DLGAP2: variants seen among roughly 807,000 people sequenced by gnomAD.
DLGAP2 encodes the protein DLG associated protein 2.
DLGAP2 carries 26 observed loss-of-function variants against 100.3 expected under a neutral mutation model. The observed-to-expected ratio is 0.26, with a 90% CI of 0.19 to 0.36. The LOEUF (loss-of-function observed/expected upper bound fraction) is 0.36. Among genes scored for constraint, DLGAP2 ranks in the 10% least tolerant of loss-of-function variants. DLGAP2 has a pLI of 1.00. For synonymous variants in DLGAP2, 886 were observed against 630.1 expected, an observed-to-expected ratio of 1.41 and a Z score of -6.08; for missense variants, 1,858 against 1,453.2, an observed-to-expected ratio of 1.28 and a Z score of -4.53.
intron 2 of DLGAP2, among the ~76,000 whole-genome samples, chr8:1,221,297 A>G (rs919672439): frequency 2.6e-5 from 4 of 152,208 alleles, no homozygotes; most frequent in Non-Finnish European, 5.9e-5. Flanking sequence ...GTCTGGTGCT[A>G]ATGAATTATC....
intron 2 of DLGAP2, among the ~76,000 whole-genome samples, chr8:1,258,187 C>A (rs1342775945): frequency 6.6e-6 from 1 of 152,146 alleles, no homozygotes; most frequent in Non-Finnish European, 1.5e-5. Context: ...ACTTTTGTGC[C>A]TGAAAGGAGA....
intron 3 of DLGAP2, among the ~76,000 whole-genome samples, chr8:1,337,431 GGT>G (rs1801311165): frequency 4.0e-3 from 3 of 750 alleles, no homozygotes; most frequent in Admixed American, 0.014. Flanking sequence ...TGATGGTGAT[GGT>G]GATGATGATG....
intron 8 of DLGAP2, among the ~76,000 whole-genome samples, chr8:1,647,881 C>G (rs1260566162): frequency 6.6e-6 from 1 of 152,140 alleles, no homozygotes; most frequent in Non-Finnish European, 1.5e-5. Context: ...TAGGCAGCAG[C>G]TTTTCCCTGC....
chr8:1,488,449 C>T (rs1799286035), intron 3 of DLGAP2, among the ~76,000 whole-genome samples: 3 of 152,136 alleles, frequency 2.0e-5, no homozygotes, highest in South Asian at 4.1e-4. Context: ...GGCAGTTGAG[C>T]ACCCAAAAGA....
At position 1,701,113 on chromosome 8, in the gene DLGAP2, C is replaced by T. The variant is rs971852183; in HGVS notation, c.2950-75C>T. The T allele has an allele frequency of 1.7e-5, 24 of 1,411,478 alleles. No homozygotes were observed. The African/African-American group carries it at 2.2e-4, about 13-fold the overall frequency. The allele number at this position is 1,411,478 out of a possible 1,614,324, so 87.4% of individuals were successfully genotyped here. Reference sequence around the variant, plus strand: ...GGTCGGGAAGGGTCAGGCCAGGCCCCAGGGCCGCTGAGCTCGCGAGCTGCT... The same window carrying T: ...GGTCGGGAAGGGTCAGGCCAGGCCCTAGGGCCGCTGAGCTCGCGAGCTGCT... On this transcript the variant is annotated intron_variant, in intron 14 of 14. Transcript: ENST00000637795.
chr8:1,178,312 C>T (rs940188789), intron 2 of DLGAP2, among the ~76,000 whole-genome samples: 5 of 152,286 alleles, frequency 3.3e-5, no homozygotes, highest in African/African-American at 1.2e-4. Context: ...TGGGCAAGAC[C>T]TGCGCTTGGA....
chr8:1,172,328 A>G (rs1797146552), intron 2 of DLGAP2, among the ~76,000 whole-genome samples: 1 of 151,672 alleles, frequency 6.6e-6, no homozygotes, highest in African/African-American at 2.4e-5. Context: ...TTTTTCCTTC[A>G]TTTCCACTTT....
intron 2 of DLGAP2, among the ~76,000 whole-genome samples, chr8:1,056,612 C>G (rs899690276): frequency 4.6e-5 from 7 of 152,216 alleles, no homozygotes; most frequent in Non-Finnish European, 8.8e-5. Context: ...TGAAAGGTGC[C>G]AGGACACCGG....
chr8:1,600,349 C>A (rs1471280123), intron 6 of DLGAP2, among the ~76,000 whole-genome samples: 2 of 152,068 alleles, frequency 1.3e-5, no homozygotes, highest in Non-Finnish European at 2.9e-5. Flanking sequence ...GATTATGTGT[C>A]TTGGGGTTGC....
chr8:1,337,232 G>C (rs200421261), intron 3 of DLGAP2, among the ~76,000 whole-genome samples: 3 of 113,256 alleles, frequency 2.6e-5, no homozygotes, highest in Non-Finnish European at 5.5e-5. Context: ...GATGATGGTG[G>C]TGGTGAGAAT....
At chr8:1,533,647 C>G (rs771225299) in intron 4 of DLGAP2, among the ~76,000 whole-genome samples, 90 of 152,082 alleles carry the variant, frequency 5.9e-4, no homozygotes, top group Admixed American at 3.6e-3. Flanking sequence ...AATGTTTATA[C>G]CAAAGGTTCT....
intron 3 of DLGAP2, among the ~76,000 whole-genome samples, chr8:1,390,911 C>T (rs1424779838): frequency 2.6e-5 from 4 of 152,214 alleles, no homozygotes; most frequent in African/African-American, 4.8e-5. Context: ...AGGCAGGCAG[C>T]AACCTCAGAA....
intron 2 of DLGAP2, among the ~76,000 whole-genome samples, chr8:1,132,715 T>C (rs1796320096): frequency 6.6e-6 from 1 of 152,138 alleles, no homozygotes; most frequent in Non-Finnish European, 1.5e-5. Context: ...CTGATGGCTA[T>C]AGCAAGGATT....
At chr8:1,647,313 C>A (rs1014081811) in intron 8 of DLGAP2, among the ~76,000 whole-genome samples, 1 of 151,606 alleles carries the variant, frequency 6.6e-6, no homozygotes, top group Non-Finnish European at 1.5e-5. Flanking sequence ...GGTGAAACCC[C>A]ATCTCTACTA....
chr8:1,668,199 A>T (rs769897890), intron 8 of DLGAP2, 130 bp from the exon 9 acceptor site: 3 of 809,252 alleles, frequency 3.7e-6, no homozygotes, highest in Non-Finnish European at 5.7e-6. Flanking sequence ...ATTTCACGCT[A>T]TTTTTTTAGG....
At chr8:1,440,678 G>A (rs1797804289) in intron 3 of DLGAP2, among the ~76,000 whole-genome samples, 1 of 152,240 alleles carries the variant, frequency 6.6e-6, no homozygotes, top group Admixed American at 6.5e-5. Flanking sequence ...ATTGTCGGGT[G>A]AGCCGCCCTC....
At chr8:1,509,430 G>A (rs1800078086) in intron 4 of DLGAP2, among the ~76,000 whole-genome samples, 1 of 152,148 alleles carries the variant, frequency 6.6e-6, no homozygotes, top group African/African-American at 2.4e-5. Flanking sequence ...GTGCGTGTGG[G>A]TGTGTGTGTT....
At chr8:1,508,114 C>G (rs1343880100) in intron 4 of DLGAP2, among the ~76,000 whole-genome samples, 1 of 151,936 alleles carries the variant, frequency 6.6e-6, no homozygotes, top group Non-Finnish European at 1.5e-5. Context: ...ACAAACACAT[C>G]AGATACCTTT....
chr8:1,316,269 G>C (rs1264959764), intron 3 of DLGAP2, among the ~76,000 whole-genome samples: 21 of 120,236 alleles, frequency 1.7e-4, no homozygotes, highest in Admixed American at 3.5e-4. Context: ...AAAATAGAGC[G>C]TGTGCGAGTG....
Sources: allele counts gnomAD v4.1 joint callset (sites outside exome capture counted in the v4.1 genomes callset), GRCh38; gene constraint gnomAD v4.1.1; transcripts MANE v1.5; gene names NCBI Gene and HGNC (gene_info 2026-07-23, HGNC 2026-07-21).